GOLM1: variants seen among roughly 807,000 people sequenced by gnomAD.
The protein encoded by GOLM1 is epididymis luminal protein 46.
In GOLM1, 31 loss-of-function variants were observed where a neutral mutation model predicts 50.5. The ratio of observed to expected loss-of-function variants is 0.61; its 90% CI spans 0.46 to 0.83. The LOEUF is 0.83. GOLM1 is among the 40% of genes least tolerant of loss of function. The pLI is 0.00. For missense variants in GOLM1, 491 were observed against 501.3 expected (o/e 0.98, Z 0.20); for synonymous variants, 178 against 192.8 (o/e 0.92, Z 0.64).
At chr9:86,031,651 G>A (rs1009657998) in intron 9 of GOLM1, among the ~76,000 whole-genome samples, 3 of 151,266 alleles carry the variant, frequency 2.0e-5, no homozygotes, top group Non-Finnish European at 4.4e-5. Context: ...TAGTAGAGAC[G>A]GGGTTTCACC....
At chr9:86,032,024 G>A (rs1432711246) in intron 9 of GOLM1, among the ~76,000 whole-genome samples, 2 of 150,998 alleles carry the variant, frequency 1.3e-5, no homozygotes, top group Non-Finnish European at 2.9e-5. Flanking sequence ...GAGGGCTTGA[G>A]CCAGGACCTG....
chr9:86,066,249 C>T (rs1834304488), intron 3 of GOLM1, among the ~76,000 whole-genome samples: 2 of 152,176 alleles, frequency 1.3e-5, no homozygotes, highest in South Asian at 4.1e-4. Context: ...CAGCTCTTTA[C>T]AAGAGAAAAG....
chr9:86,079,575 G>A (rs1326531537), intron 1 of GOLM1: 2 of 358,676 alleles, frequency 5.6e-6, no homozygotes, highest in East Asian at 4.2e-5. Context: ...GCTCGGAGGA[G>A]CAGGCACCGC....
chr9:86,054,513 T>C (rs12339474), intron 3 of GOLM1, among the ~76,000 whole-genome samples: 34,439 of 152,096 alleles, frequency 0.23, 4,834 homozygotes, highest in East Asian at 0.54. Flanking sequence ...CGTGAGCCAC[T>C]GCGCCCGGCC....
intron 1 of GOLM1, among the ~76,000 whole-genome samples, chr9:86,097,315 C>T (rs140744412): frequency 8.9e-4 from 135 of 152,240 alleles, no homozygotes; most frequent in African/African-American, 2.9e-3. Context: ...TCCTTCTGTT[C>T]CTTCTACTTT....
chr9:86,063,777 T>A (rs1192212525), intron 3 of GOLM1, among the ~76,000 whole-genome samples: 1 of 152,168 alleles, frequency 6.6e-6, no homozygotes, highest in Non-Finnish European at 1.5e-5. Context: ...CCGTTACGCC[T>A]TCTATGGCAA....
Position 86,035,452 on chromosome 9 carries a change from C to T in GOLM1, c.931G>A (p.Glu311Lys), listed in dbSNP as rs761399343. The part of the protein sequence containing the change: ...QVQAALSVSQ[E>K]NPEMEGPERD... ...TCAGGGCCCTCCATCTCTGGATTTT[C>T]CTGGCTCACTGACAGGGCAGCCTGC... The change falls in exon 8 of 10, where the codon GAA becomes AAA. Residue 311 changes from glutamate to lysine, a missense_variant. Glu to Lys is a moderately conservative substitution (Grantham distance 56). Coordinates refer to ENST00000388712, the MANE Select transcript of GOLM1 (RefSeq NM_016548.4). 22 of 1,613,814 alleles carry T rather than the reference C, an allele frequency of 1.4e-5. No individual in the cohort carries two copies. The highest frequency in any genetic ancestry group is 1.9e-5 in the Non-Finnish European group (22 of 1,180,026).
At chr9:86,086,953 A>G (rs1834992906) in intron 1 of GOLM1, among the ~76,000 whole-genome samples, 1 of 152,154 alleles carries the variant, frequency 6.6e-6, no homozygotes, top group South Asian at 2.1e-4. Flanking sequence ...TTGGTTCCAT[A>G]TGAACTTTAA....
chr9:86,054,424 A>G (rs1404363904), intron 3 of GOLM1, among the ~76,000 whole-genome samples: 3 of 152,068 alleles, frequency 2.0e-5, no homozygotes, highest in East Asian at 1.9e-4. Context: ...GGGTTTCACC[A>G]TGTTGGCCAG....
intron 1 of GOLM1, chr9:86,080,300 G>C (rs977649743): frequency 6.6e-6 from 1 of 152,206 alleles, no homozygotes; most frequent in Non-Finnish European, 1.5e-5. Context: ...AGCCAGGTCT[G>C]CCTGGATGCA....
chr9:86,050,005 G>A (rs1024559055), intron 4 of GOLM1, among the ~76,000 whole-genome samples: 3 of 152,148 alleles, frequency 2.0e-5, no homozygotes, highest in Non-Finnish European at 4.4e-5. Context: ...CTGTGGGTCT[G>A]TCATAAATAG....
rs11141183 is a variant in GOLM1, at chr9:86,031,474, T to C, written c.1129+1808A>G. ...GTTTTTTTTTTTTTTTTTTTTTTTTTCCCCGAGACGGAGTTTCACTCTTCT... is the reference window on the plus strand; with the variant it reads ...GTTTTTTTTTTTTTTTTTTTTTTTTCCCCCGAGACGGAGTTTCACTCTTCT... On this transcript the variant is annotated intron_variant, in intron 9 of 9. Coordinates refer to ENST00000388712, the MANE Select transcript of GOLM1 (RefSeq NM_016548.4). 6.6e-3 allele frequency among the ~76,000 whole-genome samples: 916 copies of C among 139,416 alleles called. 5 individuals carry two copies. The highest frequency in any genetic ancestry group is 0.016 in the South Asian group (63 of 3,836). 91.5% of individuals were successfully genotyped at this position (139,416 alleles called of 152,430 possible). A position where few individuals can be genotyped will look rare whatever the true frequency, so the allele number is the denominator to read the frequency against.
chr9:86,053,570 T>TC (rs1833864688), intron 3 of GOLM1, among the ~76,000 whole-genome samples: 3 of 880 alleles, frequency 3.4e-3, no homozygotes, highest in Non-Finnish European at 7.5e-3. Flanking sequence ...CACACACACA[T>TC]CACACACACC....
Position 86,079,329 on chromosome 9 carries a change from C to T in GOLM1, c.-9G>A. The T allele has an allele frequency of 6.3e-7, 1 of 1,578,014 alleles. No homozygotes were observed. Among genetic ancestry groups the T allele is most frequent in the Non-Finnish European group, 8.6e-7 (1 of 1,162,934 alleles). ...TTTCCCAAGCCCATCATCTCAAAAT[C>T]AGCGCTGAGAATCTGCCAAGTAAAA... On this transcript the variant is annotated 5_prime_UTR_variant, in exon 2 of 10. Transcript: ENST00000388712.
chr9:86,064,649 G>A (rs998499021), intron 3 of GOLM1, among the ~76,000 whole-genome samples: 1 of 152,120 alleles, frequency 6.6e-6, no homozygotes, highest in African/African-American at 2.4e-5. Flanking sequence ...CGGCTTCCCC[G>A]GTCTTGAACT....
chr9:86,095,316 C>G (rs945454842), intron 1 of GOLM1, among the ~76,000 whole-genome samples: 46 of 152,162 alleles, frequency 3.0e-4, no homozygotes, highest in African/African-American at 8.9e-4. Context: ...GTAACCTCTG[C>G]CTCCTGGGTT....
At chr9:86,071,078 T>TACATACAC (rs143794304) in intron 3 of GOLM1, among the ~76,000 whole-genome samples, 2 of 148,224 alleles carry the variant, frequency 1.3e-5, no homozygotes, top group Non-Finnish European at 3.0e-5. Context: ...TATATACATG[T>TACATACAC]ACACACACAC....
intron 2 of GOLM1, among the ~76,000 whole-genome samples, chr9:86,078,713 C>A (rs73650923): frequency 0.013 from 2,000 of 152,256 alleles, 28 homozygotes; most frequent in African/African-American, 0.037. Flanking sequence ...CCCATGACTG[C>A]ACCGGTAAAT....
At chr9:86,066,926 AATTATTATTATTACT>A (rs1219024455) in intron 3 of GOLM1, among the ~76,000 whole-genome samples, 6 of 151,858 alleles carry the variant, frequency 4.0e-5, no homozygotes, top group African/African-American at 1.4e-4. Flanking sequence ...TTCAGACCCA[AATTATTATTATTACT>A]ATTATTATTA....
Sources: allele counts gnomAD v4.1 joint callset (sites outside exome capture counted in the v4.1 genomes callset), GRCh38; gene constraint gnomAD v4.1.1; transcripts MANE v1.5; gene names NCBI Gene and HGNC (gene_info 2026-07-23, HGNC 2026-07-21).